Variants in IL12RB2 observed in about 807,000 individuals in gnomAD.
IL12RB2 encodes the protein interleukin 12 receptor subunit beta 2.
IL12RB2 carries 82 observed loss-of-function variants against 89.4 expected under a neutral mutation model. The observed-to-expected ratio is 0.92, with a 90% CI of 0.77 to 1.10. The LOEUF (loss-of-function observed/expected upper bound fraction) is 1.10. Ranked by LOEUF, IL12RB2 falls within the 50% of genes least tolerant of loss-of-function variation. The pLI, the probability that IL12RB2 is intolerant of heterozygous loss-of-function variation, is 0.00. For synonymous variants in IL12RB2, 368 were observed against 370.1 expected, an observed-to-expected ratio of 0.99 and a Z score of 0.07; for missense variants, 963 against 1,031.9, an observed-to-expected ratio of 0.93 and a Z score of 0.92.
intron 14 of IL12RB2, among the ~76,000 whole-genome samples, chr1:67,383,046 G>C (rs1664770867): frequency 6.6e-6 from 1 of 152,168 alleles, no homozygotes; most frequent in Non-Finnish European, 1.5e-5. Context: ...ACATACCTGA[G>C]ACTGGATAAT....
intron 8 of IL12RB2, among the ~76,000 whole-genome samples, chr1:67,332,684 A>G (rs1482095044): frequency 6.6e-6 from 1 of 152,132 alleles, no homozygotes; most frequent in African/African-American, 2.4e-5. Flanking sequence ...CTATCTCATG[A>G]ATTAGATTTT....
At chr1:67,327,416 T>C (rs774863331) in intron 5 of IL12RB2, among the ~76,000 whole-genome samples, 2 of 152,228 alleles carry the variant, frequency 1.3e-5, no homozygotes, top group Non-Finnish European at 2.9e-5. Flanking sequence ...CAGAGTTCTC[T>C]TCAGTGCATC....
intron 14 of IL12RB2, among the ~76,000 whole-genome samples, chr1:67,381,679 T>A (rs540957748): frequency 6.7e-6 from 1 of 149,066 alleles, no homozygotes; most frequent in South Asian, 2.1e-4. Context: ...GGCAGGAGAA[T>A]GGCATAAACC....
chr1:67,390,104 C>T lies in IL12RB2; in HGVS notation c.2022C>T (p.Cys674=), dbSNP rs373096534. The T allele has an allele frequency of 1.5e-5, 19 of 1,300,526 alleles. No individual in the cohort carries two copies. Among genetic ancestry groups the T allele is most frequent in the South Asian group, 2.4e-5 (2 of 84,880 alleles). 80.6% of individuals were successfully genotyped at this position (1,300,526 alleles called of 1,614,324 possible). ...TTCCAGATCCAGCAAATAGCACTTG[C>T]GCTAAGAAATATCCCATTGCAGAGG... The part of the protein sequence containing the change: ...REIPDPANST[C]AKKYPIAEEK... The change falls in exon 16 of 17, where the codon TGC becomes TGT. Residue 674 remains cysteine (C), a synonymous_variant. Coordinates refer to ENST00000674203, the MANE Select transcript of IL12RB2 (RefSeq NM_001374259.2).
rs1056124121 is a variant in IL12RB2, at chr1:67,321,849, T to C, written c.324T>C (p.Ser108=). ...TCTGCAAACTGGCCTGTATCAATAGTGATGAAATTCAAATATGTGGAGCAG... is the reference window on the plus strand; with the variant it reads ...TCTGCAAACTGGCCTGTATCAATAGCGATGAAATTCAAATATGTGGAGCAG... ...LFVCKLACIN[S]DEIQICGAEI... is the part of the protein sequence containing the mutation. Residue 108 remains serine, a synonymous_variant, in exon 4 of 17, where the codon AGT becomes AGC. Coordinates refer to ENST00000674203, the MANE Select transcript of IL12RB2 (RefSeq NM_001374259.2). The C allele has an allele frequency of 1.2e-6, 2 of 1,613,996 alleles. No individual in the cohort carries two copies. Among genetic ancestry groups the C allele is most frequent in the South Asian group, 1.1e-5 (1 of 91,076 alleles).
intron 10 of IL12RB2, among the ~76,000 whole-genome samples, chr1:67,362,081 G>A (rs904949587): frequency 6.6e-6 from 1 of 150,970 alleles, no homozygotes; most frequent in African/African-American, 2.4e-5. Flanking sequence ...GACCAGCCTG[G>A]CCAACATGGT....
At chr1:67,349,880 A>G (rs916670140) in intron 9 of IL12RB2, among the ~76,000 whole-genome samples, 6 of 152,242 alleles carry the variant, frequency 3.9e-5, no homozygotes, top group Non-Finnish European at 8.8e-5. Flanking sequence ...TAAAGTGAAA[A>G]ATAAAAATTA....
rs56731903 is a variant in IL12RB2 at position 67,358,049 on chromosome 1, A to AT, written c.1258+6970dup. 2.6e-4 allele frequency among the ~76,000 whole-genome samples: 39 copies of AT among 150,834 alleles called. 1 individual carries two copies. Among genetic ancestry groups the AT allele is most frequent in the South Asian group, 1.1e-3 (5 of 4,734 alleles). ...GCCTCAGAGTGCTAAACTCAACATA[A>AT]TTTTTTTTTTCATTTTATTGTAAAG... On this transcript the variant is annotated intron_variant, in intron 10 of 16. Transcript: ENST00000674203.
chr1:67,374,928 C>T (rs951562263), intron 13 of IL12RB2, among the ~76,000 whole-genome samples: 1 of 151,720 alleles, frequency 6.6e-6, no homozygotes, highest in Non-Finnish European at 1.5e-5. Flanking sequence ...GACTCTAAAG[C>T]CTGCATAAGG....
rs761070653 is a variant in IL12RB2 at position 67,361,334 on chromosome 1, G to C, written c.1259-6491G>C. On this transcript the variant is annotated intron_variant, in intron 10 of 16. Coordinates refer to ENST00000674203, the MANE Select transcript of IL12RB2 (RefSeq NM_001374259.2). ...AAGCATCAGAACCATACTTGGATAT[G>C]GCAGGGATGTTGGAATTATCAGACC... Among the ~76,000 whole-genome samples, 117 of 152,234 alleles carry C rather than the reference G, an allele frequency of 7.7e-4. 1 individual carries two copies. Among genetic ancestry groups the C allele is most frequent in the Middle Eastern group, 3.4e-3 (1 of 294 alleles).
rs964657546 is a variant in IL12RB2, at chr1:67,321,710, A to G, written c.185A>G (p.Tyr62Cys). The G allele has an allele frequency of 6.2e-7, 1 of 1,611,300 alleles. No homozygotes were observed. The highest frequency in any genetic ancestry group is 1.3e-5 in the African/African-American group (1 of 74,970). Reference sequence around the variant, plus strand: ...AAGCCCAGACAAGGCTGCTTTCACTATTCCAGACGTAACAAGTTAATCCTG... The same window carrying G: ...AAGCCCAGACAAGGCTGCTTTCACTGTTCCAGACGTAACAAGTTAATCCTG... ...SLKPRQGCFH[Y>C]SRRNKLILYK... The change falls in exon 4 of 17, where the codon TAT becomes TGT. Residue 62 changes from tyrosine (Y) to cysteine (C), a missense_variant. Coordinates refer to ENST00000674203, the MANE Select transcript of IL12RB2 (RefSeq NM_001374259.2).
intron 5 of IL12RB2, 88 bp downstream of exon 5, chr1:67,326,937 A>T (rs1488822271): frequency 1.2e-5 from 9 of 766,376 alleles, no homozygotes; most frequent in Non-Finnish European, 1.2e-5. Context: ...ATTTATTTTT[A>T]TTTTATTTTA....
intron 1 of IL12RB2, among the ~76,000 whole-genome samples, chr1:67,310,037 T>C (rs1654812625): frequency 6.6e-6 from 1 of 151,782 alleles, no homozygotes; most frequent in Admixed American, 6.6e-5. Flanking sequence ...TAGCGGGGCA[T>C]GGTGGCACAC....
chr1:67,377,698 A>T, intron 13 of IL12RB2, among the ~76,000 whole-genome samples: 1 of 98,414 alleles, frequency 1.0e-5, no homozygotes, highest in Non-Finnish European at 1.9e-5. Context: ...CCCCCCACCC[A>T]TTTTTTTCCT....
intron 4 of IL12RB2, among the ~76,000 whole-genome samples, chr1:67,326,417 C>T (rs1657290982): frequency 6.6e-6 from 1 of 151,404 alleles, no homozygotes; most frequent in Non-Finnish European, 1.5e-5. Flanking sequence ...TTTCACCTCT[C>T]TCAGTTTCCT....
intron 1 of IL12RB2, among the ~76,000 whole-genome samples, chr1:67,309,795 T>C (rs992755930): frequency 4.6e-5 from 7 of 152,240 alleles, no homozygotes; most frequent in African/African-American, 1.7e-4. Context: ...TATTTTTGTA[T>C]TGCTGCACCT....
At chr1:67,384,561 T>C (rs770051921) in intron 14 of IL12RB2, among the ~76,000 whole-genome samples, 2 of 152,220 alleles carry the variant, frequency 1.3e-5, no homozygotes, top group Non-Finnish European at 2.9e-5. Flanking sequence ...TGGCTCCTCA[T>C]TACCTATGCA....
chr1:67,326,299 C>A (rs1657277679), intron 4 of IL12RB2, among the ~76,000 whole-genome samples: 1 of 152,114 alleles, frequency 6.6e-6, no homozygotes, highest in Non-Finnish European at 1.5e-5. Context: ...GGATGTTCAC[C>A]TGTCAGGGAA....
chr1:67,320,363 T>C lies in IL12RB2; in HGVS notation c.-6T>C, dbSNP rs1656329234. The stretch of plus-strand genomic sequence containing the variant: ...ATACGGAGTTCTATACCAGAGTTGA[T>C]TGTTGATGGCACATACTTTTAGAGG... On this transcript the variant is annotated 5_prime_UTR_variant, in exon 3 of 17. Transcript: ENST00000674203. 6.2e-7 allele frequency: 1 copy of C among 1,613,936 alleles called. No individual in the cohort carries two copies. Among genetic ancestry groups the C allele is most frequent in the South Asian group, 1.1e-5 (1 of 91,070 alleles).
Sources: allele counts gnomAD v4.1 joint callset (sites outside exome capture counted in the v4.1 genomes callset), GRCh38; gene constraint gnomAD v4.1.1; transcripts MANE v1.5; gene names NCBI Gene and HGNC (gene_info 2026-07-23, HGNC 2026-07-21).